CCDC171: variants seen among roughly 807,000 people sequenced by gnomAD.
CCDC171 encodes coiled-coil domain containing 171, also known as coiled-coil domain-containing protein 171.
In CCDC171, 177 loss-of-function variants were observed where a neutral mutation model predicts 168.2. The observed-to-expected ratio is 1.05, with a 90% CI of 0.93 to 1.19. The LOEUF (loss-of-function observed/expected upper bound fraction) is 1.19, where lower values mean the gene tolerates loss of function less well. Ranked by LOEUF, CCDC171 falls within the 50% of genes most tolerant of loss-of-function variation. The pLI is 0.00. For synonymous variants in CCDC171, 687 were observed against 540.8 expected (o/e 1.27, Z -3.75); for missense variants, 1,991 against 1,539.0 (o/e 1.29, Z -4.91).
chr9:15,827,785 AT>A (rs2060075557), intron 21 of CCDC171, among the ~76,000 whole-genome samples: 1 of 152,004 alleles, frequency 6.6e-6, no homozygotes, highest in South Asian at 2.1e-4. Flanking sequence ...AGACCTTGTG[AT>A]TTTTGAGCCT....
intron 24 of CCDC171, among the ~76,000 whole-genome samples, chr9:15,883,747 C>T (rs1484730701): frequency 2.0e-5 from 3 of 152,152 alleles, no homozygotes; most frequent in African/African-American, 7.2e-5. Flanking sequence ...CGGGAATGAT[C>T]TGGTATAACT....
At chr9:15,683,802 C>T (rs772385474) in intron 10 of CCDC171, among the ~76,000 whole-genome samples, 1 of 151,950 alleles carries the variant, frequency 6.6e-6, no homozygotes, top group Admixed American at 6.6e-5. Context: ...GTGAGAGAGA[C>T]AGAGAGCAAG....
chr9:15,746,836 C>T (rs1023587628), intron 18 of CCDC171, among the ~76,000 whole-genome samples: 3 of 152,176 alleles, frequency 2.0e-5, no homozygotes, highest in Admixed American at 6.5e-5. Context: ...AGGGGATTTT[C>T]GTTTCCTAGC....
chr9:15,655,400 C>T (rs567418615), intron 7 of CCDC171, among the ~76,000 whole-genome samples: 15 of 152,220 alleles, frequency 9.9e-5, no homozygotes, highest in African/African-American at 3.1e-4. Context: ...GTTTTTCTGT[C>T]CCGAACAGAT....
At chr9:15,994,121 TAA>T (rs1463266303) in intron 3 of CCDC171, among the ~76,000 whole-genome samples, 1 of 152,032 alleles carries the variant, frequency 6.6e-6, no homozygotes, top group Non-Finnish European at 1.5e-5. Flanking sequence ...ACATGCTCTA[TAA>T]AGACACATGC....
At chr9:15,604,991 C>T (rs370596958) in intron 6 of CCDC171, among the ~76,000 whole-genome samples, 1 of 152,100 alleles carries the variant, frequency 6.6e-6, no homozygotes, top group Non-Finnish European at 1.5e-5. Context: ...TATCACAGCT[C>T]ACTGCAGCCT....
rs149240686 is a variant in CCDC171, at chr9:15,633,366, A to G, written c.822+9953A>G. Among the ~76,000 whole-genome samples the G allele has an allele frequency of 6.9e-3, 1,055 of 152,340 alleles. 12 individuals are homozygous for G. Among genetic ancestry groups the G allele is most frequent in the African/African-American group, 0.024 (1,003 of 41,574 alleles). ...CCCCATCAAAAACGGGGCAAAGGAC[A>G]TGAACAGACACTTCTGAAAAGTAGA... is the stretch of plus-strand genomic sequence containing the variant. On this transcript the variant is annotated intron_variant, in intron 7 of 25. Transcript: ENST00000380701.
chr9:16,043,141 G>GA (rs1833600227), intron 1 of CCDC171, among the ~76,000 whole-genome samples: 1 of 151,800 alleles, frequency 6.6e-6, no homozygotes, highest in African/African-American at 2.4e-5. Flanking sequence ...AGAGGTTGGG[G>GA]AAAAAAAGCA....
At chr9:15,801,811 G>A (rs924650555) in intron 21 of CCDC171, among the ~76,000 whole-genome samples, 23 of 151,650 alleles carry the variant, frequency 1.5e-4, no homozygotes, top group Admixed American at 2.6e-4. Flanking sequence ...ATTTTTTTTA[G>A]GCTTTTTTAA....
intron 1 of CCDC171, among the ~76,000 whole-genome samples, chr9:16,050,018 C>T (rs1007039083): frequency 6.6e-6 from 1 of 152,186 alleles, no homozygotes. Context: ...TCCCAAGTAG[C>T]TGGGATTACA....
intron 3 of CCDC171, among the ~76,000 whole-genome samples, chr9:15,988,117 A>T (rs1056352764): frequency 1.3e-5 from 2 of 152,206 alleles, no homozygotes; most frequent in Admixed American, 1.3e-4. Context: ...AGTGAAAAAA[A>T]TTGTGTTCAG....
In CCDC171 at chr9:15,784,641, T is replaced by G; in HGVS notation, c.3214T>G (p.Leu1072Val). Residue 1072 changes from leucine to valine, a missense_variant, in exon 21 of 26, where the codon TTG becomes GTG. Physicochemically the swap from Leu to Val is conservative, Grantham distance 32. Coordinates refer to ENST00000380701, the MANE Select transcript of CCDC171 (RefSeq NM_173550.4). ...ACAGGAATTGAATTATAAACTTGAATTGCACTCCAGTGAGGAAGCTGACAA... is the reference window on the plus strand; with the variant it reads ...ACAGGAATTGAATTATAAACTTGAAGTGCACTCCAGTGAGGAAGCTGACAA... Reference protein sequence around the residue: ...QLQELNYKLELHSSEEADKNQ... With the variant: ...QLQELNYKLEVHSSEEADKNQ... 1.9e-6 allele frequency: 3 copies of G among 1,613,406 alleles called. No homozygotes were observed. Among genetic ancestry groups the G allele is most frequent in the Non-Finnish European group, 2.5e-6 (3 of 1,179,610 alleles).
At chr9:15,965,824 A>G (rs1411798615) in intron 25 of CCDC171, among the ~76,000 whole-genome samples, 1 of 152,234 alleles carries the variant, frequency 6.6e-6, no homozygotes, top group Admixed American at 6.5e-5. Flanking sequence ...CAAGGATCAC[A>G]TAATTAGTAA....
intron 3 of CCDC171, among the ~76,000 whole-genome samples, chr9:15,986,017 A>T (rs1280197695): frequency 6.6e-6 from 1 of 152,228 alleles, no homozygotes; most frequent in African/African-American, 2.4e-5. Context: ...GAACCAAATG[A>T]TGAACAAGAA....
rs566329940 is a variant in CCDC171, at chr9:15,837,958, GC to G, written c.3268-8742del. The stretch of plus-strand genomic sequence containing the variant: ...TAACCGAAAACATTTTAAAACCATA[GC>G]CGAAATAGTGTAGTTCTCCTTATAA... On this transcript the variant is annotated intron_variant, in intron 21 of 25. Transcript: ENST00000380701. Among the ~76,000 whole-genome samples the G allele has an allele frequency of 3.8e-4, 58 of 152,218 alleles. 1 individual carries two copies. The highest frequency in any genetic ancestry group is 1.9e-3 in the South Asian group (9 of 4,826).
intron 1 of CCDC171, among the ~76,000 whole-genome samples, chr9:16,052,856 A>G (rs1251420588): frequency 6.7e-6 from 1 of 150,120 alleles, no homozygotes; most frequent in East Asian, 2.0e-4. Context: ...GTGTCCCATT[A>G]AAACCCCTTT....
intron 24 of CCDC171, among the ~76,000 whole-genome samples, chr9:15,881,460 A>G (rs1818630838): frequency 6.6e-6 from 1 of 152,180 alleles, no homozygotes; most frequent in South Asian, 2.1e-4. Flanking sequence ...CACCTTAAAT[A>G]TTTGTCTTTT....
chr9:16,101,364 G>T, the CCDC171 span, among the ~76,000 whole-genome samples: 1 of 152,126 alleles, frequency 6.6e-6, no homozygotes, highest in Admixed American at 6.5e-5. Context: ...AAATTTAATT[G>T]GGCATCTTGT....
chr9:15,810,487 C>T (rs1267986110), intron 21 of CCDC171, among the ~76,000 whole-genome samples: 1 of 137,334 alleles, frequency 7.3e-6, no homozygotes, highest in African/African-American at 2.7e-5. Flanking sequence ...CTTGGGGGCC[C>T]GCCATGGGGT....
Sources: allele counts gnomAD v4.1 joint callset (sites outside exome capture counted in the v4.1 genomes callset), GRCh38; gene constraint gnomAD v4.1.1; transcripts MANE v1.5; gene names NCBI Gene and HGNC (gene_info 2026-07-23, HGNC 2026-07-21).